ZDHHC2: variants seen among roughly 807,000 people sequenced by gnomAD.
ZDHHC2 encodes the protein palmitoyltransferase ZDHHC2.
A neutral mutation model predicts 55.6 loss-of-function variants in ZDHHC2; 51 were observed. The ratio of observed to expected loss-of-function variants is 0.92; its 90% confidence interval spans 0.73 to 1.16. ZDHHC2 has a LOEUF of 1.16. Among genes scored for constraint, ZDHHC2 ranks in the 50% most tolerant of loss-of-function variants. The probability of loss-of-function intolerance (pLI) is 0.00; values close to 1 mark genes in which losing one functional copy is unlikely to be tolerated. For missense variants in ZDHHC2, 491 were observed against 442.4 expected, an observed-to-expected ratio of 1.11 and a Z score of -0.99; for synonymous variants, 199 against 152.9, an observed-to-expected ratio of 1.30 and a Z score of -2.22.
intron 3 of ZDHHC2, among the ~76,000 whole-genome samples, chr8:17,191,807 C>A (rs576052809): frequency 3.9e-5 from 6 of 152,094 alleles, no homozygotes; most frequent in Non-Finnish European, 8.8e-5. Flanking sequence ...CTTTAACATA[C>A]TTGTTTCCTT....
intron 5 of ZDHHC2, among the ~76,000 whole-genome samples, chr8:17,197,989 A>T (rs1422694830): frequency 6.6e-6 from 1 of 152,226 alleles, no homozygotes; most frequent in Non-Finnish European, 1.5e-5. Flanking sequence ...GTTGTTATAT[A>T]TTTAATATAC....
intron 6 of ZDHHC2, among the ~76,000 whole-genome samples, chr8:17,201,956 G>A (rs933751690): frequency 6.6e-6 from 1 of 152,068 alleles, no homozygotes; most frequent in Non-Finnish European, 1.5e-5. Context: ...GAATTCTGGG[G>A]ATCAATCTCA....
chr8:17,202,516 TAAG>T (rs1806843381), intron 6 of ZDHHC2, among the ~76,000 whole-genome samples: 1 of 152,152 alleles, frequency 6.6e-6, no homozygotes, highest in Non-Finnish European at 1.5e-5. Flanking sequence ...TTAAACAACA[TAAG>T]AAGAATATTT....
At chr8:17,215,449 A>C in intron 11 of ZDHHC2, 100 bp downstream of exon 11, 1 of 914,360 alleles carries the variant, frequency 1.1e-6, no homozygotes, top group South Asian at 1.5e-5. Flanking sequence ...ATGTTTTCTT[A>C]GTTTGGAGTC....
At chr8:17,199,322 C>T (rs971179116) in intron 6 of ZDHHC2, among the ~76,000 whole-genome samples, 2 of 152,150 alleles carry the variant, frequency 1.3e-5, no homozygotes, top group Non-Finnish European at 2.9e-5. Flanking sequence ...ACAAGAATGG[C>T]ACTCTTCTTA....
intron 11 of ZDHHC2, 29 bp downstream of exon 11, chr8:17,215,378 T>G (rs1807601717): frequency 1.3e-6 from 2 of 1,529,546 alleles, no homozygotes; most frequent in African/African-American, 2.8e-5. Context: ...GGCTGTTTTT[T>G]GACATATTTT....
At chr8:17,185,463 C>A (rs1805661036) in intron 2 of ZDHHC2, among the ~76,000 whole-genome samples, 1 of 151,820 alleles carries the variant, frequency 6.6e-6, no homozygotes, top group Non-Finnish European at 1.5e-5. Flanking sequence ...TCAAGACCAG[C>A]CTGGCCAGCA....
chr8:17,159,765 AGACAGTTATACTTCTAATCATTTG>A (rs1258037844), intron 1 of ZDHHC2, among the ~76,000 whole-genome samples: 2 of 152,208 alleles, frequency 1.3e-5, no homozygotes, highest in African/African-American at 4.8e-5. Context: ...AGATCACAAA[AGACAGTTATACTTCTAATCATTTG>A]GACCACGTTT....
intron 6 of ZDHHC2, among the ~76,000 whole-genome samples, chr8:17,199,790 C>A (rs1243939527): frequency 2.8e-5 from 4 of 142,068 alleles, no homozygotes; most frequent in Admixed American, 7.2e-5. Flanking sequence ...GACAGAGTCT[C>A]GCTCTGTCGC....
chr8:17,201,229 C>T (rs563867908), intron 6 of ZDHHC2, among the ~76,000 whole-genome samples: 2 of 152,190 alleles, frequency 1.3e-5, no homozygotes, highest in Non-Finnish European at 2.9e-5. Flanking sequence ...TTTCAGATCT[C>T]AATGTATGTG....
intron 1 of ZDHHC2, among the ~76,000 whole-genome samples, chr8:17,162,169 T>C: frequency 6.6e-6 from 1 of 152,212 alleles, no homozygotes; most frequent in Admixed American, 6.5e-5. Flanking sequence ...CCTTTTCTTT[T>C]GATGTACTGG....
intron 1 of ZDHHC2, among the ~76,000 whole-genome samples, chr8:17,166,641 T>G (rs1376413842): frequency 6.6e-6 from 1 of 152,002 alleles, no homozygotes; most frequent in East Asian, 1.9e-4. Context: ...ATGACCAACA[T>G]TGAGAGTTCA....
intron 4 of ZDHHC2, among the ~76,000 whole-genome samples, chr8:17,197,349 T>C (rs1806370037): frequency 6.6e-6 from 1 of 152,222 alleles, no homozygotes; most frequent in African/African-American, 2.4e-5. Context: ...TGAAAAAGCA[T>C]CAGAAAAATT....
At chr8:17,159,624 T>A (rs1358145232) in intron 1 of ZDHHC2, among the ~76,000 whole-genome samples, 1 of 152,224 alleles carries the variant, frequency 6.6e-6, no homozygotes, top group Non-Finnish European at 1.5e-5. Context: ...AATTTTTGCT[T>A]AGTGTTTGTA....
intron 4 of ZDHHC2, among the ~76,000 whole-genome samples, chr8:17,196,764 G>C (rs1283421467): frequency 6.6e-6 from 1 of 151,794 alleles, no homozygotes; most frequent in Non-Finnish European, 1.5e-5. Context: ...AATTAGCCTG[G>C]GCGTGGTGGC....
intron 6 of ZDHHC2, among the ~76,000 whole-genome samples, chr8:17,204,551 C>A (rs1297787990): frequency 6.6e-6 from 1 of 152,096 alleles, no homozygotes; most frequent in African/African-American, 2.4e-5. Context: ...AAAAGGAAAT[C>A]AAAAACTTTG....
intron 6 of ZDHHC2, 45 bp downstream of exon 6, chr8:17,198,458 G>A: frequency 6.5e-7 from 1 of 1,535,454 alleles, no homozygotes; most frequent in Admixed American, 2.0e-5. Flanking sequence ...CCTTGTAAAT[G>A]TTAATAAATT....
intron 5 of ZDHHC2, among the ~76,000 whole-genome samples, chr8:17,197,913 G>C (rs984063724): frequency 2.0e-5 from 3 of 152,138 alleles, no homozygotes; most frequent in Non-Finnish European, 2.9e-5. Flanking sequence ...TTCAATTTAG[G>C]AAATACTTCT....
At chr8:17,197,224 A>G (rs1207001312) in intron 4 of ZDHHC2, among the ~76,000 whole-genome samples, 1 of 152,172 alleles carries the variant, frequency 6.6e-6, no homozygotes, top group Non-Finnish European at 1.5e-5. Flanking sequence ...ACTTTTTTTG[A>G]TAAATAACAG....
Sources: gnomAD v4.1 joint callset for allele counts (sites outside exome capture counted in the v4.1 genomes callset) on GRCh38, gnomAD v4.1.1 for gene constraint, MANE v1.5 for transcripts, NCBI Gene and HGNC (gene_info 2026-07-23, HGNC 2026-07-21) for gene names.